The following NME7 variants were observed in gnomAD, a reference collection of about 807,000 sequenced individuals.
The protein encoded by NME7 is nucleoside diphosphate kinase 7.
A neutral mutation model predicts 49.1 loss-of-function variants in NME7; 41 were observed. The ratio of observed to expected loss-of-function variants is 0.83; its 90% CI spans 0.65 to 1.08. The LOEUF is 1.08. Among genes scored for constraint, NME7 ranks in the 50% least tolerant of loss-of-function variants. The pLI is 0.00. For missense variants in NME7, 423 were observed against 463.4 expected (o/e 0.91, Z 0.80); for synonymous variants, 139 against 150.6 (o/e 0.92, Z 0.56).
At chr1:169,307,771 G>A (rs1313398030) in intron 4 of NME7, among the ~76,000 whole-genome samples, 2 of 152,140 alleles carry the variant, frequency 1.3e-5, no homozygotes, top group Non-Finnish European at 2.9e-5. Flanking sequence ...TGTAATCCCA[G>A]CAATTTGGGA....
intron 7 of NME7, among the ~76,000 whole-genome samples, chr1:169,244,286 T>C (rs1648214111): frequency 6.6e-6 from 1 of 152,194 alleles, no homozygotes; most frequent in Non-Finnish European, 1.5e-5. Flanking sequence ...AAGATCACTT[T>C]ATTGTTTATT....
chr1:169,228,038 G>GTA (rs1406029933), intron 10 of NME7, among the ~76,000 whole-genome samples: 1 of 116,696 alleles, frequency 8.6e-6, no homozygotes, highest in African/African-American at 3.2e-5. Flanking sequence ...AATTATGTGT[G>GTA]TATACACACA....
chr1:169,316,548 G>A (rs940826330), intron 3 of NME7, among the ~76,000 whole-genome samples: 2 of 152,130 alleles, frequency 1.3e-5, no homozygotes, highest in African/African-American at 4.8e-5. Flanking sequence ...AAGATTACAG[G>A]CCTTGAGATA....
chr1:169,292,147 T>TTG (rs926033441), intron 6 of NME7, among the ~76,000 whole-genome samples: 1 of 152,164 alleles, frequency 6.6e-6, no homozygotes, highest in Non-Finnish European at 1.5e-5. Context: ...GAATAACAAA[T>TTG]TGTGATCATA....
intron 1 of NME7, among the ~76,000 whole-genome samples, chr1:169,352,435 TAA>T: frequency 6.6e-6 from 1 of 151,962 alleles, no homozygotes; most frequent in African/African-American, 2.4e-5. Flanking sequence ...TACTTCAACA[TAA>T]TAAAAGCCAT....
At chr1:169,280,060 C>G (rs559851273) in intron 7 of NME7, among the ~76,000 whole-genome samples, 11 of 152,314 alleles carry the variant, frequency 7.2e-5, no homozygotes, top group Admixed American at 2.6e-4. Context: ...AATGGTTGAA[C>G]TAATTTATAC....
At chr1:169,251,290 C>T (rs976085662) in intron 7 of NME7, among the ~76,000 whole-genome samples, 1 of 151,996 alleles carries the variant, frequency 6.6e-6, no homozygotes, top group South Asian at 2.1e-4. Flanking sequence ...ATAAGACTAC[C>T]TACTCCTGCT....
In NME7 at chr1:169,269,124, G is replaced by A. The variant is rs1168395805; in HGVS notation, c.754+18179C>T. 6.0e-5 allele frequency among the ~76,000 whole-genome samples: 8 copies of A among 133,108 alleles called. 3 individuals carry two copies. The highest frequency in any genetic ancestry group is 1.4e-4 in the Non-Finnish European group (8 of 56,680). 87.3% of individuals were successfully genotyped at this position (133,108 alleles called of 152,430 possible). The stretch of plus-strand genomic sequence containing the variant: ...CTCAAAATTAGGATTCTTTTGTAGG[G>A]ACTAACAGAACTCTTGAGATTCCTT... On this transcript the variant is annotated intron_variant, in intron 7 of 11. Coordinates refer to ENST00000367811, the MANE Select transcript of NME7 (RefSeq NM_013330.5).
At chr1:169,332,221 A>G (rs1352290516) in intron 1 of NME7, among the ~76,000 whole-genome samples, 4 of 152,166 alleles carry the variant, frequency 2.6e-5, no homozygotes, top group Non-Finnish European at 5.9e-5. Flanking sequence ...ACTGGGGAAA[A>G]GACAGCCTCT....
intron 8 of NME7, among the ~76,000 whole-genome samples, chr1:169,236,317 G>C (rs2101826748): frequency 6.6e-6 from 1 of 152,186 alleles, no homozygotes. Context: ...CTTGACATTT[G>C]GCCAAGGCCA....
At chr1:169,362,105 G>A (rs1363364030) in intron 1 of NME7, among the ~76,000 whole-genome samples, 1 of 152,042 alleles carries the variant, frequency 6.6e-6, no homozygotes, top group Non-Finnish European at 1.5e-5. Flanking sequence ...TTACTCACAA[G>A]GTGGAGGCAG....
intron 1 of NME7, 135 bp downstream of exon 1, chr1:169,367,573 G>A (rs1274055753): frequency 1.0e-6 from 1 of 959,752 alleles, no homozygotes; most frequent in Non-Finnish European, 1.7e-6. Flanking sequence ...GGAACAGCCC[G>A]TGGGAAGGGG....
chr1:169,187,683 A>G (rs1384590590), intron 10 of NME7, among the ~76,000 whole-genome samples: 2 of 152,216 alleles, frequency 1.3e-5, no homozygotes, highest in African/African-American at 4.8e-5. Context: ...CAGCACACTG[A>G]TGGGTCTTGA....
At chr1:169,255,048 G>T (rs1402480215) in intron 7 of NME7, among the ~76,000 whole-genome samples, 1 of 135,722 alleles carries the variant, frequency 7.4e-6, no homozygotes. Context: ...CTGTTGATTT[G>T]GGGTGGAGAG....
At chr1:169,195,425 C>T (rs938425424) in intron 10 of NME7, among the ~76,000 whole-genome samples, 1 of 152,010 alleles carries the variant, frequency 6.6e-6, no homozygotes, top group African/African-American at 2.4e-5. Context: ...TTTTTCCCAG[C>T]TGGTTTTGAA....
intron 3 of NME7, among the ~76,000 whole-genome samples, chr1:169,316,063 C>CAATGAAGA (rs1291470632): frequency 6.6e-6 from 1 of 151,424 alleles, no homozygotes; most frequent in Non-Finnish European, 1.5e-5. Flanking sequence ...GGGTAGTTTA[C>CAATGAAGA]AATGAAGAAA....
At chr1:169,307,631 AG>A (rs1651221122) in intron 4 of NME7, among the ~76,000 whole-genome samples, 1 of 152,220 alleles carries the variant, frequency 6.6e-6, no homozygotes, top group Non-Finnish European at 1.5e-5. Context: ...TCTTTACCAC[AG>A]GAAGTTAGAT....
chr1:169,264,435 G>GA (rs1368557340), intron 7 of NME7, among the ~76,000 whole-genome samples: 1 of 133,640 alleles, frequency 7.5e-6, no homozygotes, highest in African/African-American at 2.5e-5. Flanking sequence ...AAAAAAGCAG[G>GA]AGTTGCAAGC....
intron 6 of NME7, among the ~76,000 whole-genome samples, chr1:169,296,777 G>T (rs944485749): frequency 6.6e-6 from 1 of 151,934 alleles, no homozygotes; most frequent in East Asian, 1.9e-4. Flanking sequence ...GTAATACTTG[G>T]TATCTTTTTC....
Sources: allele counts gnomAD v4.1 joint callset (sites outside exome capture counted in the v4.1 genomes callset), GRCh38; gene constraint gnomAD v4.1.1; transcripts MANE v1.5; gene names NCBI Gene and HGNC (gene_info 2026-07-23, HGNC 2026-07-21).